The following COPE variants were observed in gnomAD, a reference collection of about 807,000 sequenced individuals.
COPE encodes the protein coatomer subunit epsilon.
Under a neutral mutation model 42.1 loss-of-function variants are expected in COPE, and 19 were observed. The ratio of observed to expected loss-of-function variants is 0.45; its 90% CI spans 0.31 to 0.66. The LOEUF is 0.66. Ranked by LOEUF, COPE falls within the 30% of genes least tolerant of loss-of-function variation. The probability of loss-of-function intolerance (pLI) is 0.05; values close to 1 mark genes in which losing one functional copy is unlikely to be tolerated. For synonymous variants in COPE, 195 were observed against 181.3 expected, an observed-to-expected ratio of 1.08 and a Z score of -0.60; for missense variants, 402 against 416.1, an observed-to-expected ratio of 0.97 and a Z score of 0.30.
chr19:18,911,398 T>C (rs1402184267), intron 2 of COPE: 7 of 336,640 alleles, frequency 2.1e-5, no homozygotes, highest in Non-Finnish European at 4.0e-5. Context: ...GCAGCAGTTA[T>C]GGGGGTTGTG....
Position 18,899,882 on chromosome 19 carries a change from G to A in COPE, c.870C>T (p.Tyr290=), listed in dbSNP as rs1214719339. ...CATCCCCACCACTCACCTTGGCCTG[G>A]TACTCCTTGATGAAGGGATGGGACC... ...AHRSHPFIKE[Y]QAKENDFDRL... Residue 290 remains tyrosine (Y), a synonymous_variant, in exon 9 of 10, where the codon TAC becomes TAT. Coordinates refer to ENST00000262812, the MANE Select transcript of COPE (RefSeq NM_007263.4). 17 of 1,613,534 alleles carry A rather than the reference G, an allele frequency of 1.1e-5. No homozygotes were observed. Among genetic ancestry groups the A allele is most frequent in the Non-Finnish European group, 1.4e-5 (16 of 1,179,746 alleles).
chr19:18,903,245 C>T (rs756139925), intron 7 of COPE, 23 bp downstream of exon 7: 4 of 1,551,412 alleles, frequency 2.6e-6, no homozygotes, highest in African/African-American at 1.4e-5. Flanking sequence ...TCCGTCCCCA[C>T]TCTGGGACAG....
rs962309164 is a variant in COPE at position 18,910,883 on chromosome 19, C to T, written c.290+88G>A. ...AATCTGAGGGATGCTGTGCGCTGCA[C>T]GCCATGCCCCCACCCACCCAGGTTC... On this transcript the variant is annotated intron_variant, in intron 3 of 9. Transcript: ENST00000262812. 41 of 1,165,396 alleles carry T rather than the reference C, an allele frequency of 3.5e-5. No homozygotes were observed. The African/African-American group carries it at 4.5e-4, about 13-fold the overall frequency. 72.2% of individuals were successfully genotyped at this position (1,165,396 alleles called of 1,614,324 possible).
At chr19:18,914,134 A>G (rs1368729618) in intron 1 of COPE, among the ~76,000 whole-genome samples, 1 of 152,186 alleles carries the variant, frequency 6.6e-6, no homozygotes, top group East Asian at 1.9e-4. Flanking sequence ...ATCTAAATAA[A>G]TAACTCCTAG....
intron 3 of COPE, among the ~76,000 whole-genome samples, chr19:18,907,910 G>A (rs533469241): frequency 6.6e-6 from 1 of 152,274 alleles, no homozygotes; most frequent in East Asian, 1.9e-4. Context: ...TACCAACCAG[G>A]CTCCACTGAG....
chr19:18,903,296 TCAGCGGCCTCC>T lies in COPE; in HGVS notation c.696_706del (p.Trp232Ter). On this transcript the variant is annotated stop_gained and frameshift_variant, in exon 7 of 10. Coordinates refer to ENST00000262812, the MANE Select transcript of COPE (RefSeq NM_007263.4). LOFTEE classifies it high-confidence loss of function. ...GTCTAGCGCCTCCTGCAGCAGGCCC[TCAGCGGCCTCC>T]CAGCGGCCCTGGGCCATGTGGCAGG... 1 of 1,606,420 alleles carries T rather than the reference TCAGCGGCCTCC, an allele frequency of 6.2e-7. No individual in the cohort carries two copies. Among genetic ancestry groups the T allele is most frequent in the African/African-American group, 1.3e-5 (1 of 74,652 alleles).
chr19:18,900,368 G>T lies in COPE; in HGVS notation c.804+13C>A. 1 of 1,544,842 alleles carries T rather than the reference G, an allele frequency of 6.5e-7. No homozygotes were observed. The highest frequency in any genetic ancestry group is 8.7e-7 in the Non-Finnish European group (1 of 1,142,948). ...GACATTAGGGTTGGCCTGGAGCCCT[G>T]GGGGCCGCTTACCTCAGGGGGCTTG... On this transcript the variant is annotated intron_variant, in intron 8 of 9. Transcript: ENST00000262812.
chr19:18,900,435 T>C lies in COPE; in HGVS notation c.750A>G (p.Pro250=), dbSNP rs1127821. ...QEALDKDSGY[P]ETLVNLIVLS... is the part of the protein sequence containing the mutation. The stretch of plus-strand genomic sequence containing the variant: ...GGACGATGAGGTTGACCAGCGTCTC[T>C]GGGTAGCCACTATCCTGGAGACACA... Residue 250 remains proline, a synonymous_variant, in exon 8 of 10, where the codon CCA becomes CCG. Transcript: ENST00000262812. 0.46 allele frequency: 709,870 copies of C among 1,545,492 alleles called. 166,739 individuals are homozygous for C. The highest frequency in any genetic ancestry group is 0.6 in the Middle Eastern group (3,554 of 5,960).
intron 6 of COPE, among the ~76,000 whole-genome samples, chr19:18,903,672 G>A (rs1197741012): frequency 6.6e-6 from 1 of 152,230 alleles, no homozygotes; most frequent in Non-Finnish European, 1.5e-5. Context: ...CACAGAGGTG[G>A]AATCTGGGGC....
At chr19:18,904,570 G>C (rs1316820611) in intron 6 of COPE, among the ~76,000 whole-genome samples, 1 of 152,236 alleles carries the variant, frequency 6.6e-6, no homozygotes, top group Non-Finnish European at 1.5e-5. Context: ...CCATCTCTTC[G>C]CTCTGGCTCT....
At chr19:18,914,730 T>C (rs1292184803) in intron 1 of COPE, among the ~76,000 whole-genome samples, 1 of 148,890 alleles carries the variant, frequency 6.7e-6, no homozygotes, top group African/African-American at 2.5e-5. Flanking sequence ...GAGACCAGCA[T>C]AGGCAACATA....
chr19:18,911,614 T>C (rs534013044), intron 2 of COPE, among the ~76,000 whole-genome samples: 8 of 151,708 alleles, frequency 5.3e-5, no homozygotes, highest in Non-Finnish European at 1.0e-4. Flanking sequence ...TGCAGTGGCG[T>C]GATCTCGGCT....
chr19:18,899,720 C>G lies in COPE; in HGVS notation c.886G>C (p.Asp296His). 1 of 1,613,758 alleles carries G rather than the reference C, an allele frequency of 6.2e-7. No individual in the cohort carries two copies. The highest frequency in any genetic ancestry group is 8.5e-7 in the Non-Finnish European group (1 of 1,179,986). The part of the protein sequence containing the change: ...FIKEYQAKEN[D>H]FDRLVLQYAP... Reference sequence around the variant, plus strand: ...TACTGTAGCACCAGCCTGTCAAAGTCGTTCTCCTTTAGCAAGACACATGGC... The same window carrying G: ...TACTGTAGCACCAGCCTGTCAAAGTGGTTCTCCTTTAGCAAGACACATGGC... The change falls in exon 10 of 10, where the codon GAC becomes CAC. Residue 296 changes from aspartate to histidine, a missense_variant. Asp to His is a moderately conservative substitution (Grantham distance 81). Transcript: ENST00000262812.
At chr19:18,901,586 G>A (rs1452264632) in intron 7 of COPE, among the ~76,000 whole-genome samples, 1 of 152,174 alleles carries the variant, frequency 6.6e-6, no homozygotes, top group Non-Finnish European at 1.5e-5. Context: ...CTCAGCCCCT[G>A]GAAAGTCAGA....
intron 3 of COPE, chr19:18,910,656 G>A (rs1352019554): frequency 3.3e-5 from 12 of 361,446 alleles, no homozygotes; most frequent in South Asian, 2.2e-4. Flanking sequence ...TGGGGCTCTG[G>A]GTGTTGCAGA....
At position 18,899,634 on chromosome 19, in the gene COPE, T is replaced by G; in HGVS notation, c.*45A>C. ...TGGGGAGGGCTGCAGGGCTGGCTCC[T>G]GGCCTCTGTCCTGGCTTCATGGTCC... On this transcript the variant is annotated 3_prime_UTR_variant, in exon 10 of 10. Coordinates refer to ENST00000262812, the MANE Select transcript of COPE (RefSeq NM_007263.4). 1 of 1,611,540 alleles carries G rather than the reference T, an allele frequency of 6.2e-7. No individual in the cohort carries two copies. Among genetic ancestry groups the G allele is most frequent in the Non-Finnish European group, 8.5e-7 (1 of 1,178,576 alleles).
At chr19:18,907,362 G>A (rs994785311) in intron 3 of COPE, among the ~76,000 whole-genome samples, 2 of 152,146 alleles carry the variant, frequency 1.3e-5, no homozygotes, top group African/African-American at 4.8e-5. Flanking sequence ...GGGGACATGA[G>A]GAGGCACCGT....
At chr19:18,911,635 T>C (rs1049583736) in intron 2 of COPE, among the ~76,000 whole-genome samples, 5 of 151,380 alleles carry the variant, frequency 3.3e-5, no homozygotes, top group African/African-American at 1.2e-4. Flanking sequence ...CACTGCAAGC[T>C]CCACCTCCCA....
chr19:18,902,825 G>GAAGGAAGGAAGA (rs1555709229), intron 7 of COPE, among the ~76,000 whole-genome samples: 2 of 28,604 alleles, frequency 7.0e-5, no homozygotes, highest in Non-Finnish European at 1.3e-4. Flanking sequence ...AGGAAGGAAG[G>GAAGGAAGGAAGA]AAGAAAAGAC....
Sources: allele counts gnomAD v4.1 joint callset (sites outside exome capture counted in the v4.1 genomes callset), GRCh38; gene constraint gnomAD v4.1.1; transcripts MANE v1.5; gene names NCBI Gene and HGNC (gene_info 2026-07-23, HGNC 2026-07-21).